The following ADAM9 variants were observed in gnomAD, a reference collection of about 807,000 sequenced individuals.
The protein encoded by ADAM9 is ADAM metallopeptidase domain 9, also known as disintegrin and metalloproteinase domain-containing protein 9.
Under a neutral mutation model 108.1 loss-of-function variants are expected in ADAM9, and 54 were observed. The observed-to-expected ratio is 0.50, with a 90% confidence interval of 0.40 to 0.63. The LOEUF (loss-of-function observed/expected upper bound fraction) is 0.63, where lower values mean the gene tolerates loss of function less well. Ranked by LOEUF, ADAM9 falls within the 20% of genes least tolerant of loss-of-function variation. The probability of loss-of-function intolerance (pLI) is 0.00; values close to 1 mark genes in which losing one functional copy is unlikely to be tolerated. For missense variants in ADAM9, 830 were observed against 997.7 expected, an observed-to-expected ratio of 0.83 and a Z score of 2.26; for synonymous variants, 316 against 336.0, an observed-to-expected ratio of 0.94 and a Z score of 0.65.
chr8:39,018,834 A>G lies in ADAM9; in HGVS notation c.607-19A>G, dbSNP rs372696732. The G allele has an allele frequency of 1.6e-4, 264 of 1,613,148 alleles. No homozygotes were observed. The highest frequency in any genetic ancestry group is 2.1e-4 in the Non-Finnish European group (252 of 1,179,284). ...CTTATAACTTCCTTTTGCCTTTATG[A>G]TGTTTGTGTTTTTGACAGAGAAGAA... On this transcript the variant is annotated intron_variant, in intron 6 of 21. Transcript: ENST00000487273.
At chr8:39,103,170 A>G (rs1461916573) in intron 21 of ADAM9, among the ~76,000 whole-genome samples, 2 of 152,208 alleles carry the variant, frequency 1.3e-5, no homozygotes, top group Non-Finnish European at 2.9e-5. Flanking sequence ...TATAGAAGTC[A>G]TAACACTTTT....
Position 39,068,675 on chromosome 8 carries a change from CAAAAAAAAAAAAAAAAAAAAAAAAAA to C in ADAM9, c.1592-2609_1592-2584del, listed in dbSNP as rs562274321. ...GAGTGACAAGAGTGAAACTTCTCCT[CAAAAAAAAAAAAAAAAAAAAAAAAAA>C]AAAAAAAAAAAAAGACCTGACTGTC... On this transcript the variant is annotated intron_variant, in intron 14 of 21. Coordinates refer to ENST00000487273, the MANE Select transcript of ADAM9 (RefSeq NM_003816.3). Among the ~76,000 whole-genome samples, 4 of 42,044 alleles carry C rather than the reference CAAAAAAAAAAAAAAAAAAAAAAAAAA, an allele frequency of 9.5e-5. 1 individual carries two copies. The highest frequency in any genetic ancestry group is 1.1e-3 in the East Asian group (1 of 922). The allele number at this position is 42,044 out of a possible 152,430, so 27.6% of individuals were successfully genotyped here. A position where few individuals can be genotyped will look rare whatever the true frequency, so the allele number is the denominator to read the frequency against.
chr8:39,071,223 G>A lies in ADAM9; in HGVS notation c.1592-75G>A. ...TGTTCATCCAGGTGTTTAGACTGTT[G>A]TAGGGAATACTTTTATTTCAAAAGC... On this transcript the variant is annotated intron_variant, in intron 14 of 21. Transcript: ENST00000487273. The A allele has an allele frequency of 2.1e-6, 3 of 1,398,354 alleles. No individual in the cohort carries two copies. The East Asian group carries it at 7.3e-5, about 34-fold the overall frequency. 86.6% of individuals were successfully genotyped at this position (1,398,354 alleles called of 1,614,324 possible).
chr8:39,094,858 T>C (rs1839453554), intron 20 of ADAM9, among the ~76,000 whole-genome samples: 1 of 152,136 alleles, frequency 6.6e-6, no homozygotes, highest in Non-Finnish European at 1.5e-5. Context: ...AAAAACCAAC[T>C]CTTAGTTTTA....
intron 12 of ADAM9, among the ~76,000 whole-genome samples, chr8:39,044,988 A>ATACATACCTATGTATGTGTATGTG (rs1837586839): frequency 1.0e-5 from 1 of 97,922 alleles, no homozygotes; most frequent in African/African-American, 4.0e-5. Context: ...GTATGTGTAT[A>ATACATACCTATGTATGTGTATGTG]TGTGTGTGCA....
chr8:39,081,096 C>T (rs886627249), intron 16 of ADAM9, among the ~76,000 whole-genome samples: 8 of 151,934 alleles, frequency 5.3e-5, no homozygotes, highest in Non-Finnish European at 1.0e-4. Context: ...TACAGGCTTG[C>T]ACCACCATGC....
Position 39,104,435 on chromosome 8 carries a change from C to T in ADAM9, c.*735C>T, listed in dbSNP as rs754442996. On this transcript the variant is annotated 3_prime_UTR_variant, in exon 22 of 22. Transcript: ENST00000487273. ...TATTATGAATCATGTGAAAGCATGA[C>T]ATTCGTTCACAATAGCACTATTTTA... The T allele has an allele frequency of 1.4e-5, 6 of 425,970 alleles. No individual in the cohort carries two copies. The highest frequency in any genetic ancestry group is 2.8e-5 in the Non-Finnish European group (6 of 212,458). 26.4% of individuals were successfully genotyped at this position (425,970 alleles called of 1,614,324 possible). A position where few individuals can be genotyped will look rare whatever the true frequency, so the allele number is the denominator to read the frequency against.
At chr8:39,093,930 C>A (rs1465721943) in intron 20 of ADAM9, among the ~76,000 whole-genome samples, 1 of 152,100 alleles carries the variant, frequency 6.6e-6, no homozygotes, top group Admixed American at 6.5e-5. Context: ...CCACCCTGCC[C>A]AGCTAATTTT....
rs760818444 is a variant in ADAM9 at position 39,055,740 on chromosome 8, A to G, written c.1559A>G (p.Tyr520Cys). The change falls in exon 14 of 22, where the codon TAT becomes TGT. Residue 520 changes from tyrosine (Y) to cysteine (C), a missense_variant. Physicochemically the swap from Tyr to Cys is radical, Grantham distance 194 (BLOSUM62 -2). Transcript: ENST00000487273. ...TGCTACAACGGCATGTGCCAGTATT[A>G]TGATGCTCAATGTCAAGTCATCTTT... ...AYCYNGMCQYYDAQCQVIFGS... is the reference protein window; with the variant it reads ...AYCYNGMCQYCDAQCQVIFGS... 1.9e-5 allele frequency: 30 copies of G among 1,613,598 alleles called. No homozygotes were observed. The highest frequency in any genetic ancestry group is 2.4e-5 in the Non-Finnish European group (28 of 1,179,698).
intron 10 of ADAM9, 104 bp downstream of exon 10, chr8:39,025,988 G>T (rs1323726321): frequency 8.3e-7 from 1 of 1,210,302 alleles, no homozygotes; most frequent in Non-Finnish European, 1.2e-6. Flanking sequence ...AATATTTTGG[G>T]TGTTATGAGG....
At chr8:39,018,134 T>A (rs539668197) in intron 6 of ADAM9, among the ~76,000 whole-genome samples, 1 of 152,340 alleles carries the variant, frequency 6.6e-6, no homozygotes, top group Non-Finnish European at 1.5e-5. Context: ...GTTCTAGGAC[T>A]AGATCAACTT....
At chr8:39,050,021 A>G (rs1837905758) in intron 12 of ADAM9, among the ~76,000 whole-genome samples, 1 of 152,152 alleles carries the variant, frequency 6.6e-6, no homozygotes, top group Admixed American at 6.5e-5. Context: ...TTTAAAGGAT[A>G]GTTTTGCCAG....
intron 12 of ADAM9, among the ~76,000 whole-genome samples, chr8:39,045,704 G>C (rs1211982733): frequency 6.6e-6 from 1 of 151,896 alleles, no homozygotes; most frequent in South Asian, 2.1e-4. Context: ...TTTACATAAC[G>C]ATTTATTTTC....
chr8:39,054,755 G>A (rs1450066048), intron 13 of ADAM9, among the ~76,000 whole-genome samples, 182 bp downstream of exon 13: 1 of 152,076 alleles, frequency 6.6e-6, no homozygotes, highest in Non-Finnish European at 1.5e-5. Flanking sequence ...TAAGTGGTCT[G>A]TTGATATTGT....
intron 11 of ADAM9, among the ~76,000 whole-genome samples, chr8:39,033,522 T>C (rs1418995478): frequency 6.6e-6 from 1 of 151,936 alleles, no homozygotes; most frequent in Non-Finnish European, 1.5e-5. Flanking sequence ...TAGTTATGCT[T>C]CTAAAACATA....
At chr8:39,095,005 A>G (rs1203861339) in intron 20 of ADAM9, among the ~76,000 whole-genome samples, 1 of 151,932 alleles carries the variant, frequency 6.6e-6, no homozygotes, top group Non-Finnish European at 1.5e-5. Flanking sequence ...AGGTTATTTG[A>G]GATTTTTTAA....
chr8:39,016,057 T>C, intron 4 of ADAM9, 61 bp from the exon 5 acceptor site: 2 of 1,495,214 alleles, frequency 1.3e-6, no homozygotes, highest in Non-Finnish European at 1.9e-6. Context: ...GCTCTGCAAT[T>C]TCTGTGATGA....
intron 6 of ADAM9, 27 bp downstream of exon 6, chr8:39,017,441 G>T: frequency 6.3e-7 from 1 of 1,599,290 alleles, no homozygotes; most frequent in South Asian, 1.1e-5. Context: ...ATTCTTCATG[G>T]CTCAGACTAC....
chr8:39,017,469 G>A, intron 6 of ADAM9, 55 bp downstream of exon 6: 1 of 1,553,528 alleles, frequency 6.4e-7, no homozygotes, highest in East Asian at 2.3e-5. Flanking sequence ...GAAAAATCAT[G>A]TATTTATTCA....
Sources: gnomAD v4.1 joint callset for allele counts (sites outside exome capture counted in the v4.1 genomes callset) on GRCh38, gnomAD v4.1.1 for gene constraint, MANE v1.5 for transcripts, NCBI Gene and HGNC (gene_info 2026-07-23, HGNC 2026-07-21) for gene names.